SLC24A2: variants seen among roughly 807,000 people sequenced by gnomAD.
SLC24A2 encodes solute carrier family 24 member 2.
Under a neutral mutation model 62.0 loss-of-function variants are expected in SLC24A2, and 36 were observed. That is an observed-to-expected ratio of 0.58 (90% confidence interval 0.44 to 0.77). The LOEUF (loss-of-function observed/expected upper bound fraction) is 0.77, where lower values mean the gene tolerates loss of function less well. SLC24A2 is among the 30% of genes least tolerant of loss of function. The pLI, the probability that SLC24A2 is intolerant of heterozygous loss-of-function variation, is 0.00. For synonymous variants in SLC24A2, 358 were observed against 294.0 expected (o/e 1.22, Z -2.23); for missense variants, 846 against 817.9 (o/e 1.03, Z -0.42).
the SLC24A2 span, among the ~76,000 whole-genome samples, chr9:19,895,617 T>C: frequency 6.7e-6 from 1 of 150,250 alleles, no homozygotes; most frequent in Non-Finnish European, 1.5e-5. Context: ...ATAGCTTGGG[T>C]CAAATCTGTG....
chr9:19,643,807 A>C (rs371765801), intron 2 of SLC24A2, among the ~76,000 whole-genome samples: 1 of 152,212 alleles, frequency 6.6e-6, no homozygotes, highest in East Asian at 1.9e-4. Flanking sequence ...CATGAGGGTG[A>C]CATTGACATG....
At chr9:19,832,622 TA>T in the SLC24A2 span, among the ~76,000 whole-genome samples, 1 of 152,114 alleles carries the variant, frequency 6.6e-6, no homozygotes, top group African/African-American at 2.4e-5. Context: ...ATGTTACACC[TA>T]AAACCATAAA....
chr9:19,901,002 C>T, the SLC24A2 span, among the ~76,000 whole-genome samples: 1,393 of 152,328 alleles, frequency 9.1e-3, 11 homozygotes, highest in Middle Eastern at 0.014. Context: ...TGGTCACAAT[C>T]CAATGCTGAA....
chr9:20,048,941 T>G, the SLC24A2 span, among the ~76,000 whole-genome samples: 1 of 151,680 alleles, frequency 6.6e-6, no homozygotes, highest in Non-Finnish European at 1.5e-5. Flanking sequence ...TTATTTTTAT[T>G]TTTTATTATT....
chr9:20,009,325 T>C, the SLC24A2 span, among the ~76,000 whole-genome samples: 1 of 150,196 alleles, frequency 6.7e-6, no homozygotes, highest in African/African-American at 2.5e-5. Context: ...GCAGAGGTTT[T>C]AGTGAGCTGA....
chr9:20,042,864 C>T, the SLC24A2 span, among the ~76,000 whole-genome samples: 1 of 152,156 alleles, frequency 6.6e-6, no homozygotes, highest in Non-Finnish European at 1.5e-5. Context: ...TTTGATGTCA[C>T]TATTTTAATT....
At chr9:19,576,095 C>T (rs1322870838) in intron 6 of SLC24A2, among the ~76,000 whole-genome samples, 2 of 152,074 alleles carry the variant, frequency 1.3e-5, no homozygotes, top group Non-Finnish European at 2.9e-5. Flanking sequence ...AAAATTTTCC[C>T]TGAGGTAGAA....
chr9:19,961,742 T>C, the SLC24A2 span, among the ~76,000 whole-genome samples: 4 of 152,248 alleles, frequency 2.6e-5, no homozygotes, highest in East Asian at 7.7e-4. Context: ...AGAGGTAATA[T>C]GGCTTCGCCT....
the SLC24A2 span, among the ~76,000 whole-genome samples, chr9:19,869,960 C>A: frequency 6.6e-6 from 1 of 152,230 alleles, no homozygotes; most frequent in East Asian, 1.9e-4. Context: ...CTTGCTTAGT[C>A]TTTCTTCATC....
At chr9:20,073,127 G>T in the SLC24A2 span, among the ~76,000 whole-genome samples, 1 of 152,182 alleles carries the variant, frequency 6.6e-6, no homozygotes, top group Non-Finnish European at 1.5e-5. Flanking sequence ...TCAGGCACAA[G>T]TTAGCAGGGT....
chr9:20,109,087 G>A, the SLC24A2 span, among the ~76,000 whole-genome samples: 137 of 152,198 alleles, frequency 9.0e-4, no homozygotes, highest in African/African-American at 2.9e-3. Flanking sequence ...GTACAGACTT[G>A]TAGCCCAGGA....
the SLC24A2 span, among the ~76,000 whole-genome samples, chr9:20,087,870 G>A: frequency 6.6e-6 from 1 of 151,746 alleles, no homozygotes; most frequent in Non-Finnish European, 1.5e-5. Flanking sequence ...CCACCTACCT[G>A]GGAGCAACAT....
At chr9:19,676,091 T>C (rs1819552396) in intron 2 of SLC24A2, among the ~76,000 whole-genome samples, 1 of 152,288 alleles carries the variant, frequency 6.6e-6, no homozygotes, top group South Asian at 2.1e-4. Flanking sequence ...CTCTCTAAAA[T>C]TTTCTCAGCT....
chr9:19,854,521 C>G, the SLC24A2 span, among the ~76,000 whole-genome samples: 88,694 of 152,026 alleles, frequency 0.58, 26,537 homozygotes, highest in Non-Finnish European at 0.65. Flanking sequence ...TTTCAAAGAA[C>G]TTCTTGATTT....
Position 19,789,019 on chromosome 9 carries a change from C to G in SLC24A2, c.-288G>C, listed in dbSNP as rs1228173809. On this transcript the variant is annotated 5_prime_UTR_variant, in exon 1 of 11. Transcript: ENST00000341998. The stretch of plus-strand genomic sequence containing the variant: ...CTGGCTGCCGCTCTCGCCAGCCGGG[C>G]TGGGTTCGGGAGGAGACTGAGCCGC... 8 of 924,002 alleles carry G rather than the reference C, an allele frequency of 8.7e-6. No homozygotes were observed. The highest frequency in any genetic ancestry group is 1.0e-5 in the Non-Finnish European group (8 of 774,056). The allele number at this position is 924,002 out of a possible 1,614,324, so 57.2% of individuals were successfully genotyped here.
the SLC24A2 span, among the ~76,000 whole-genome samples, chr9:20,038,275 A>C: frequency 6.6e-5 from 10 of 152,360 alleles, no homozygotes; most frequent in African/African-American, 2.4e-4. Flanking sequence ...AGTGAAGATA[A>C]TAAGACAGCC....
chr9:20,109,277 G>A, the SLC24A2 span, among the ~76,000 whole-genome samples: 3 of 152,144 alleles, frequency 2.0e-5, no homozygotes, highest in East Asian at 1.9e-4. Context: ...ACTAGTGAAC[G>A]AGATTATGCA....
chr9:19,669,512 TA>T (rs1564027690), intron 2 of SLC24A2, among the ~76,000 whole-genome samples: 1 of 152,236 alleles, frequency 6.6e-6, no homozygotes. Flanking sequence ...CTTATTACTT[TA>T]AACTCCTGTA....
chr9:20,191,633 T>C, the SLC24A2 span, among the ~76,000 whole-genome samples: 2 of 151,316 alleles, frequency 1.3e-5, no homozygotes, highest in East Asian at 3.9e-4. Context: ...TAAGAGAATG[T>C]TCAGTGTGGC....
Sources: gnomAD v4.1 joint callset for allele counts (sites outside exome capture counted in the v4.1 genomes callset) on GRCh38, gnomAD v4.1.1 for gene constraint, MANE v1.5 for transcripts, NCBI Gene and HGNC (gene_info 2026-07-23, HGNC 2026-07-21) for gene names.